The following UEVLD variants were observed in gnomAD, a reference collection of about 807,000 sequenced individuals.
The protein encoded by UEVLD is ubiquitin-conjugating enzyme E2 variant 3.
In UEVLD, 47 loss-of-function variants were observed where a neutral mutation model predicts 58.6. That is an observed-to-expected ratio of 0.80 (90% confidence interval 0.63 to 1.02). The LOEUF is 1.02. Among genes scored for constraint, UEVLD ranks in the 50% least tolerant of loss-of-function variants. The pLI, the probability that UEVLD is intolerant of heterozygous loss-of-function variation, is 0.00. For synonymous variants in UEVLD, 197 were observed against 195.3 expected (o/e 1.01, Z -0.07); for missense variants, 510 against 550.6 (o/e 0.93, Z 0.74).
chr11:18,548,311 A>G (rs1395054153), intron 7 of UEVLD, among the ~76,000 whole-genome samples: 1 of 152,346 alleles, frequency 6.6e-6, no homozygotes. Flanking sequence ...TAAGAGAACC[A>G]TAATAAAGTA....
chr11:18,551,398 G>A (rs1851520732), intron 7 of UEVLD, among the ~76,000 whole-genome samples: 1 of 120,820 alleles, frequency 8.3e-6, no homozygotes, highest in Non-Finnish European at 1.9e-5. Context: ...ACCCCAACCT[G>A]GGCAACCGAG....
chr11:18,539,430 T>C (rs191027062), intron 9 of UEVLD, among the ~76,000 whole-genome samples: 1 of 152,232 alleles, frequency 6.6e-6, no homozygotes, highest in East Asian at 1.9e-4. Context: ...TATAAATACA[T>C]ATGGACAACT....
rs192784100 is a variant in UEVLD, at chr11:18,541,791, A to G, written c.1060+2832T>C. On this transcript the variant is annotated intron_variant, in intron 9 of 11. Transcript: ENST00000396197. ...ATAAGATGGCCGAGAAGGCAAAGGG[A>G]TTACAAGGGAGGTAAACAAAGTGAG... 2.3e-3 allele frequency among the ~76,000 whole-genome samples: 352 copies of G among 152,316 alleles called. 1 individual carries two copies. Among genetic ancestry groups the G allele is most frequent in the African/African-American group, 8.0e-3 (331 of 41,576 alleles).
At chr11:18,576,964 C>T (rs1382118227) in intron 2 of UEVLD, among the ~76,000 whole-genome samples, 3 of 152,052 alleles carry the variant, frequency 2.0e-5, no homozygotes, top group African/African-American at 4.8e-5. Flanking sequence ...GGGTGGATCA[C>T]TTGAGGTCAG....
chr11:18,582,543 G>A (rs896500005), intron 1 of UEVLD, among the ~76,000 whole-genome samples: 2 of 151,458 alleles, frequency 1.3e-5, no homozygotes, highest in South Asian at 2.1e-4. Flanking sequence ...CCATGTTGCC[G>A]AGGCTGGCCT....
intron 7 of UEVLD, among the ~76,000 whole-genome samples, chr11:18,553,463 T>A (rs1011290253): frequency 6.6e-6 from 1 of 152,212 alleles, no homozygotes; most frequent in Non-Finnish European, 1.5e-5. Flanking sequence ...TAGAATTAAT[T>A]CCTTAATAAG....
At chr11:18,551,982 G>T (rs16935539) in intron 7 of UEVLD, among the ~76,000 whole-genome samples, 30,787 of 152,076 alleles carry the variant, frequency 0.2, 3,262 homozygotes, top group East Asian at 0.25. Context: ...GAAAGACCAG[G>T]TAACTCTGTA....
At chr11:18,532,909 T>G (rs1850627792) in intron 11 of UEVLD, among the ~76,000 whole-genome samples, 1 of 152,150 alleles carries the variant, frequency 6.6e-6, no homozygotes, top group Non-Finnish European at 1.5e-5. Flanking sequence ...TGTGTATTTG[T>G]GGGGTACATG....
At chr11:18,564,586 T>C (rs1418922457) in intron 6 of UEVLD, among the ~76,000 whole-genome samples, 5 of 150,364 alleles carry the variant, frequency 3.3e-5, no homozygotes, top group African/African-American at 1.2e-4. Flanking sequence ...ATTAAATGAG[T>C]TTAATTAAAG....
At chr11:18,555,328 A>T (rs1851712071) in intron 7 of UEVLD, among the ~76,000 whole-genome samples, 1 of 151,954 alleles carries the variant, frequency 6.6e-6, no homozygotes, top group Non-Finnish European at 1.5e-5. Flanking sequence ...CGGGAGGCTG[A>T]GGCGGGAGAA....
chr11:18,578,908 C>T (rs1853084713), intron 1 of UEVLD, 100 bp from the exon 2 acceptor site: 2 of 769,420 alleles, frequency 2.6e-6, no homozygotes, highest in South Asian at 1.8e-5. Context: ...CACTCTGTTG[C>T]CCAGGCTGGA....
intron 6 of UEVLD, chr11:18,563,514 TG>T: frequency 4.0e-6 from 1 of 250,958 alleles, no homozygotes; most frequent in Non-Finnish European, 6.3e-6. Flanking sequence ...TGGCTTGAGC[TG>T]GGGAGGTGGA....
At position 18,558,227 on chromosome 11, in the gene UEVLD, C is replaced by G; in HGVS notation, c.715+1G>C. ...TACATCTTTAAGCAGAATAAACAGA[C>G]CTTTGCTGATCTCCACATTAGGAAG... On this transcript the variant is annotated splice_donor_variant, in intron 7 of 11. Coordinates refer to ENST00000396197, the MANE Select transcript of UEVLD (RefSeq NM_001040697.4). LOFTEE classifies it high-confidence loss of function. The G allele has an allele frequency of 6.2e-7, 1 of 1,609,766 alleles. No homozygotes were observed. The highest frequency in any genetic ancestry group is 8.5e-7 in the Non-Finnish European group (1 of 1,177,932).
intron 9 of UEVLD, among the ~76,000 whole-genome samples, chr11:18,537,788 A>G (rs1221114130): frequency 6.6e-6 from 1 of 150,618 alleles, no homozygotes; most frequent in Non-Finnish European, 1.5e-5. Flanking sequence ...TCAGCCTCCC[A>G]ACTAGCTGGG....
chr11:18,587,629 C>G (rs1161835753), intron 1 of UEVLD: 1 of 151,960 alleles, frequency 6.6e-6, no homozygotes, highest in East Asian at 1.9e-4. Flanking sequence ...ATGGTGAAAA[C>G]CCATCTCTAC....
chr11:18,546,840 G>T, intron 8 of UEVLD, 40 bp downstream of exon 8: 2 of 1,606,928 alleles, frequency 1.2e-6, no homozygotes, highest in Non-Finnish European at 1.7e-6. Context: ...TTCTACTGAT[G>T]TACTGGACCA....
chr11:18,563,995 A>G, intron 6 of UEVLD: 1 of 285,176 alleles, frequency 3.5e-6, no homozygotes, highest in Non-Finnish European at 7.0e-6. Context: ...ACAGAGCGAG[A>G]CTCCACCTAA....
chr11:18,578,854 A>T (rs1420953524), intron 1 of UEVLD, 46 bp from the exon 2 acceptor site: 1 of 1,421,476 alleles, frequency 7.0e-7, no homozygotes, highest in Non-Finnish European at 9.7e-7. Flanking sequence ...AGCTGTAAGC[A>T]AAAGAACAAT....
intron 6 of UEVLD, 94 bp from the exon 7 acceptor site, chr11:18,558,424 C>T (rs570084065): frequency 7.3e-6 from 5 of 685,852 alleles, no homozygotes; most frequent in Non-Finnish European, 1.2e-5. Context: ...ATAAACAGGC[C>T]TCATACACTG....
Sources: allele counts gnomAD v4.1 joint callset (sites outside exome capture counted in the v4.1 genomes callset), GRCh38; gene constraint gnomAD v4.1.1; transcripts MANE v1.5; gene names NCBI Gene and HGNC (gene_info 2026-07-23, HGNC 2026-07-21).